RAPGEF6: variants seen among roughly 807,000 people sequenced by gnomAD.
The protein encoded by RAPGEF6 is PDZ domain containing guanine nucleotide exchange factor (GEF) 2.
A neutral mutation model predicts 171.4 loss-of-function variants in RAPGEF6; 56 were observed. That is an observed-to-expected ratio of 0.33 (90% CI 0.26 to 0.41). The LOEUF is 0.41. Among genes scored for constraint, RAPGEF6 ranks in the 10% least tolerant of loss-of-function variants. The pLI, the probability that RAPGEF6 is intolerant of heterozygous loss-of-function variation, is 1.00. For synonymous variants in RAPGEF6, 692 were observed against 650.1 expected (o/e 1.06, Z -0.98); for missense variants, 1,674 against 1,921.4 (o/e 0.87, Z 2.41).
chr5:131,429,276 C>CAT (rs1420834742), intron 26 of RAPGEF6, 60 bp from the exon 27 acceptor site: 50 of 1,356,830 alleles, frequency 3.7e-5, no homozygotes, highest in Non-Finnish European at 4.1e-5. Context: ...AAAAAAGAAA[C>CAT]CACCCCACAA....
chr5:131,603,370 T>C (rs758834782), intron 2 of RAPGEF6, 43 bp from the exon 3 acceptor site: 7 of 1,319,088 alleles, frequency 5.3e-6, no homozygotes, highest in Non-Finnish European at 7.4e-6. Context: ...ACATTTTGTT[T>C]TTAAAATTGT....
At chr5:131,442,629 ATTTT>A in intron 22 of RAPGEF6, 92 bp from the exon 23 acceptor site, 1 of 1,496,002 alleles carries the variant, frequency 6.7e-7, no homozygotes, top group South Asian at 1.4e-5. Context: ...AAAACCATCT[ATTTT>A]TAGCACAAAA....
rs35306366 is a variant in RAPGEF6, at chr5:131,612,201, AT to A, written c.70-7509del. On this transcript the variant is annotated intron_variant, in intron 1 of 27. Transcript: ENST00000509018. ...AGGCGTGCACCACCATGCTCAGCTAATTTTTTTTTTTTTTTTTTTTTTTTTG... is the reference window on the plus strand; with the variant it reads ...AGGCGTGCACCACCATGCTCAGCTAATTTTTTTTTTTTTTTTTTTTTTTTG... Among the ~76,000 whole-genome samples, 104 of 83,324 alleles carry A rather than the reference AT, an allele frequency of 1.2e-3. 2 individuals carry two copies. The highest frequency in any genetic ancestry group is 3.1e-3 in the African/African-American group (71 of 23,048). 54.7% of individuals were successfully genotyped at this position (83,324 alleles called of 152,430 possible).
intron 1 of RAPGEF6, among the ~76,000 whole-genome samples, chr5:131,608,097 T>C (rs974745820): frequency 6.6e-6 from 1 of 152,326 alleles, no homozygotes; most frequent in South Asian, 2.1e-4. Flanking sequence ...GTGGTGCTAC[T>C]GGCATCATGT....
intron 8 of RAPGEF6, 138 bp downstream of exon 8, chr5:131,510,176 A>G (rs1197654358): frequency 2.1e-5 from 19 of 923,174 alleles, no homozygotes; most frequent in Admixed American, 3.0e-5. Flanking sequence ...GTGCTCCTAA[A>G]TTTGACTCAC....
chr5:131,475,595 T>G (rs1161869386), intron 16 of RAPGEF6, among the ~76,000 whole-genome samples: 1 of 152,214 alleles, frequency 6.6e-6, no homozygotes, highest in Non-Finnish European at 1.5e-5. Context: ...TAGGCAACTG[T>G]GATTTTAAAA....
chr5:131,435,433 T>G (rs558798504), intron 24 of RAPGEF6, among the ~76,000 whole-genome samples: 1 of 152,332 alleles, frequency 6.6e-6, no homozygotes, highest in South Asian at 2.1e-4. Flanking sequence ...CACAATAATC[T>G]TGCTTCATTG....
rs775989711 is a variant in RAPGEF6 at position 131,433,545 on chromosome 5, C to T, written c.3859G>A (p.Ala1287Thr). ...SNCSVDSMSA[A>T]LQDERCSSQA... is the part of the protein sequence containing the mutation. ...GAGGAACACCGTTCATCCTGTAGAGCTGCAGACATGGAGTCAACAGAACAA... is the reference window on the plus strand; with the variant it reads ...GAGGAACACCGTTCATCCTGTAGAGTTGCAGACATGGAGTCAACAGAACAA... Residue 1287 changes from alanine (A) to threonine (T), a missense_variant, in exon 25 of 28, where the codon GCT becomes ACT. By Grantham distance (58) the Ala-to-Thr change is moderately conservative. Around this residue, in one of 3 missense-constraint regions of RAPGEF6, gnomAD observed 552 missense variants for 574.2 expected, o/e 0.96. Coordinates refer to ENST00000509018, the MANE Select transcript of RAPGEF6 (RefSeq NM_016340.6). 2.5e-6 allele frequency: 4 copies of T among 1,613,420 alleles called. No homozygotes were observed. The highest frequency in any genetic ancestry group is 3.4e-6 in the Non-Finnish European group (4 of 1,179,354).
chr5:131,612,339 A>G, intron 1 of RAPGEF6, among the ~76,000 whole-genome samples: 1 of 150,796 alleles, frequency 6.6e-6, no homozygotes, highest in East Asian at 1.9e-4. Flanking sequence ...ACTTTATTAT[A>G]AAATAGGCTT....
chr5:131,492,609 A>G lies in RAPGEF6; in HGVS notation c.1704T>C (p.Ala568=), dbSNP rs1276692194. Reference sequence around the variant, plus strand: ...GATCACCACGTTTCAGTCCTGAATCAGCAGCTTTGCTACCAGGTTCTACTC... The same window carrying G: ...GATCACCACGTTTCAGTCCTGAATCGGCAGCTTTGCTACCAGGTTCTACTC... The part of the protein sequence containing the change: ...VEGVEPGSKA[A]DSGLKRGDQI... Residue 568 remains alanine, a synonymous_variant, in exon 14 of 28, where the codon GCT becomes GCC. Transcript: ENST00000509018. The G allele has an allele frequency of 6.2e-7, 1 of 1,614,104 alleles. No homozygotes were observed. Among genetic ancestry groups the G allele is most frequent in the African/African-American group, 1.3e-5 (1 of 74,936 alleles).
intron 6 of RAPGEF6, among the ~76,000 whole-genome samples, chr5:131,529,407 T>G (rs1276888612): frequency 2.0e-5 from 3 of 146,528 alleles, no homozygotes; most frequent in Non-Finnish European, 3.0e-5. Flanking sequence ...ACCCGGGAGG[T>G]GGAGGTTGCA....
At chr5:131,466,329 AT>A (rs558119405) in intron 17 of RAPGEF6, among the ~76,000 whole-genome samples, 77 of 151,776 alleles carry the variant, frequency 5.1e-4, no homozygotes, top group Middle Eastern at 3.4e-3. Flanking sequence ...TCTTGTTCAG[AT>A]TTCATTCTGA....
chr5:131,592,452 G>T lies in RAPGEF6; in HGVS notation c.212C>A (p.Ala71Asp), dbSNP rs1357279580. The part of the protein sequence containing the change: ...NQVLFCSETI[A>D]RCWYILLSGS... The stretch of plus-strand genomic sequence containing the variant: ...AGAAAGTAGGATATACCAACATCTG[G>T]CAATCGTTTCTGAACTGTTTAAATA... The change falls in exon 4 of 28, where the codon GCC (alanine) becomes GAC (aspartate). Residue 71 changes from alanine (A) to aspartate (D), a missense_variant. By Grantham distance (126) the Ala-to-Asp change is moderately radical. Around this residue, in one of 3 missense-constraint regions of RAPGEF6, gnomAD observed 1,116 missense variants for 1,321.5 expected, o/e 0.84. Coordinates refer to ENST00000509018, the MANE Select transcript of RAPGEF6 (RefSeq NM_016340.6). 6.2e-7 allele frequency: 1 copy of T among 1,613,506 alleles called. No individual in the cohort carries two copies. Among genetic ancestry groups the T allele is most frequent in the East Asian group, 2.2e-5 (1 of 44,822 alleles).
At chr5:131,569,986 G>A (rs993324339) in intron 4 of RAPGEF6, among the ~76,000 whole-genome samples, 3 of 129,142 alleles carry the variant, frequency 2.3e-5, no homozygotes. Flanking sequence ...AGGTTGCAGT[G>A]AGCTGAGATC....
intron 1 of RAPGEF6, among the ~76,000 whole-genome samples, chr5:131,614,338 G>A (rs1221630872): frequency 1.3e-5 from 2 of 150,888 alleles, no homozygotes; most frequent in South Asian, 2.1e-4. Context: ...CCGGAGCCGC[G>A]GTAATTTATA....
intron 6 of RAPGEF6, 141 bp from the exon 7 acceptor site, chr5:131,521,662 CT>C (rs1444766699): frequency 4.6e-6 from 3 of 657,762 alleles, no homozygotes; most frequent in Non-Finnish European, 4.7e-6. Flanking sequence ...GCAAAAAGAT[CT>C]TTTGAAATAA....
intron 23 of RAPGEF6, 113 bp downstream of exon 23, chr5:131,442,236 T>A: frequency 9.8e-7 from 1 of 1,025,390 alleles, no homozygotes; most frequent in South Asian, 2.4e-5. Context: ...AAAGTGACGA[T>A]TATATTACAC....
chr5:131,526,021 G>C (rs1271018938), intron 6 of RAPGEF6, among the ~76,000 whole-genome samples: 1 of 152,158 alleles, frequency 6.6e-6, no homozygotes, highest in African/African-American at 2.4e-5. Flanking sequence ...GTAGAGTTGG[G>C]AATCAAACCC....
intron 21 of RAPGEF6, among the ~76,000 whole-genome samples, chr5:131,450,458 G>A (rs2149820910): frequency 6.6e-6 from 1 of 152,206 alleles, no homozygotes; most frequent in South Asian, 2.1e-4. Context: ...TCATTTAAGT[G>A]ACAGAATGAA....
Sources: allele counts gnomAD v4.1 joint callset (sites outside exome capture counted in the v4.1 genomes callset), GRCh38; gene constraint gnomAD v4.1.1; regional missense constraint gnomAD v4.1.1; transcripts MANE v1.5; gene names NCBI Gene and HGNC (gene_info 2026-07-23, HGNC 2026-07-21).